The following ZNRF1 variants were observed in gnomAD, a reference collection of about 807,000 sequenced individuals.
ZNRF1 encodes zinc and ring finger 1, also known as E3 ubiquitin-protein ligase ZNRF1.
A neutral mutation model predicts 18.4 loss-of-function variants in ZNRF1; 3 were observed. That is an observed-to-expected ratio of 0.16 (90% CI 0.07 to 0.42). ZNRF1 has a LOEUF of 0.42. Among genes scored for constraint, ZNRF1 ranks in the 10% least tolerant of loss-of-function variants. The pLI is 0.99. For missense variants in ZNRF1, 310 were observed against 329.8 expected, an observed-to-expected ratio of 0.94 and a Z score of 0.47; for synonymous variants, 157 against 144.2, an observed-to-expected ratio of 1.09 and a Z score of -0.64.
intron 1 of ZNRF1, among the ~76,000 whole-genome samples, chr16:75,025,449 C>G (rs950685933): frequency 6.6e-6 from 1 of 152,130 alleles, no homozygotes; most frequent in Non-Finnish European, 1.5e-5. Context: ...ACACTTCTCC[C>G]TGACTATCCC....
chr16:75,108,778 C>T lies in ZNRF1; in HGVS notation c.*1078C>T. The T allele has an allele frequency of 2.7e-6, 1 of 377,252 alleles. No individual in the cohort carries two copies. The highest frequency in any genetic ancestry group is 4.6e-5 in the Admixed American group (1 of 21,966). The allele number at this position is 377,252 out of a possible 1,614,324, so 23.4% of individuals were successfully genotyped here. On this transcript the variant is annotated 3_prime_UTR_variant, in exon 5 of 5. Coordinates refer to ENST00000335325, the MANE Select transcript of ZNRF1 (RefSeq NM_032268.5). Reference sequence around the variant, plus strand: ...GAAATGGGGGCAAGGGCCTGCCCCCCACTCCCTCACCTACCTCCTTAGCAT... The same window carrying T: ...GAAATGGGGGCAAGGGCCTGCCCCCTACTCCCTCACCTACCTCCTTAGCAT...
intron 1 of ZNRF1, among the ~76,000 whole-genome samples, chr16:75,040,396 G>T (rs1188011406): frequency 6.6e-6 from 1 of 151,640 alleles, no homozygotes; most frequent in Non-Finnish European, 1.5e-5. Flanking sequence ...CTGGGATTAC[G>T]GATGTGAACC....
At chr16:75,100,930 A>T (rs1421714644) in intron 2 of ZNRF1, among the ~76,000 whole-genome samples, 3 of 152,152 alleles carry the variant, frequency 2.0e-5, no homozygotes, top group African/African-American at 7.2e-5. Flanking sequence ...TCAAACACAC[A>T]GCAAAGTTTT....
chr16:75,037,099 C>T (rs2145356978), intron 1 of ZNRF1, among the ~76,000 whole-genome samples: 1 of 152,250 alleles, frequency 6.6e-6, no homozygotes, highest in South Asian at 2.1e-4. Context: ...ATTGACAGAG[C>T]TAGAATTTCA....
chr16:75,063,776 GGAGT>G (rs1303882529), intron 1 of ZNRF1, among the ~76,000 whole-genome samples: 2 of 152,186 alleles, frequency 1.3e-5, no homozygotes, highest in African/African-American at 4.8e-5. Context: ...AATCAGAGAA[GGAGT>G]GAGAGGAGGG....
At chr16:75,054,918 C>T (rs936875698) in intron 1 of ZNRF1, among the ~76,000 whole-genome samples, 3 of 152,198 alleles carry the variant, frequency 2.0e-5, no homozygotes, top group African/African-American at 7.2e-5. Context: ...ATCTGACTCT[C>T]TTCTTGGTCT....
chr16:75,052,262 G>T (rs988874884), intron 1 of ZNRF1, among the ~76,000 whole-genome samples: 1 of 152,084 alleles, frequency 6.6e-6, no homozygotes, highest in African/African-American at 2.4e-5. Flanking sequence ...TTACCTGGGT[G>T]TGGTGGCGTG....
intron 1 of ZNRF1, among the ~76,000 whole-genome samples, chr16:75,022,438 C>T (rs2035163848): frequency 6.6e-6 from 1 of 151,238 alleles, no homozygotes. Flanking sequence ...TGGTGGCGGG[C>T]ACCTGAAGTC....
intron 1 of ZNRF1, 42 bp downstream of exon 1, chr16:75,000,137 C>A: frequency 1.3e-6 from 2 of 1,571,746 alleles, no homozygotes; most frequent in Non-Finnish European, 1.7e-6. Context: ...GAGGGCGCGC[C>A]GGGGCGCCCC....
chr16:75,012,213 C>T (rs2035008381), intron 1 of ZNRF1, among the ~76,000 whole-genome samples: 1 of 152,302 alleles, frequency 6.6e-6, no homozygotes, highest in East Asian at 1.9e-4. Context: ...AACAGAGAAG[C>T]CTGTGCTCAG....
At chr16:75,022,240 G>A (rs1004061287) in intron 1 of ZNRF1, among the ~76,000 whole-genome samples, 2 of 151,888 alleles carry the variant, frequency 1.3e-5, no homozygotes, top group Non-Finnish European at 2.9e-5. Context: ...GGGTGACAGA[G>A]CGAGACTCTG....
At chr16:75,004,460 G>A (rs906719590) in intron 1 of ZNRF1, among the ~76,000 whole-genome samples, 1 of 152,028 alleles carries the variant, frequency 6.6e-6, no homozygotes, top group African/African-American at 2.4e-5. Context: ...TGTTTTCTAG[G>A]TTCTACTATA....
chr16:75,037,922 T>G (rs945442113), intron 1 of ZNRF1, among the ~76,000 whole-genome samples: 3 of 152,158 alleles, frequency 2.0e-5, no homozygotes, highest in Non-Finnish European at 4.4e-5. Context: ...GAAAAGTCTA[T>G]GATGAGGAAG....
At chr16:75,069,611 G>T (rs2035846078) in intron 1 of ZNRF1, among the ~76,000 whole-genome samples, 2 of 152,102 alleles carry the variant, frequency 1.3e-5, no homozygotes, top group African/African-American at 2.4e-5. Context: ...ATGGGGTTTT[G>T]CCATATTGTC....
chr16:75,022,172 T>C (rs747651060), intron 1 of ZNRF1, among the ~76,000 whole-genome samples: 26 of 151,232 alleles, frequency 1.7e-4, no homozygotes, highest in Non-Finnish European at 3.0e-4. Flanking sequence ...GGAGAATCAC[T>C]TGGACCCAGG....
intron 1 of ZNRF1, among the ~76,000 whole-genome samples, chr16:75,053,127 T>C (rs1021828187): frequency 6.6e-6 from 1 of 152,152 alleles, no homozygotes; most frequent in Non-Finnish European, 1.5e-5. Flanking sequence ...GCAGAGGAAA[T>C]CTAGGGGGCT....
Position 74,999,466 on chromosome 16 carries a change from C to T in ZNRF1, c.-206C>T, listed in dbSNP as rs2034805438. 4.9e-6 allele frequency: 2 copies of T among 411,812 alleles called. No homozygotes were observed. The highest frequency in any genetic ancestry group is 2.1e-4 in the South Asian group (2 of 9,474). The allele number at this position is 411,812 out of a possible 1,614,324, so 25.5% of individuals were successfully genotyped here. On this transcript the variant is annotated 5_prime_UTR_variant, in exon 1 of 5. Transcript: ENST00000335325. Reference sequence around the variant, plus strand: ...CGTTTGCCTTGGATCGTTTGAAATTCTGAGTTTGGGATCCCCGCCCGCCCG... The same window carrying T: ...CGTTTGCCTTGGATCGTTTGAAATTTTGAGTTTGGGATCCCCGCCCGCCCG...
intron 1 of ZNRF1, among the ~76,000 whole-genome samples, chr16:75,053,482 A>G (rs1192249978): frequency 6.6e-6 from 1 of 151,658 alleles, no homozygotes; most frequent in Non-Finnish European, 1.5e-5. Flanking sequence ...CCAGCTACTC[A>G]AGAGACTGAG....
rs745787665 is a variant in ZNRF1, at chr16:75,106,543, G to C, written c.*4G>C. The C allele has an allele frequency of 6.2e-7, 1 of 1,614,112 alleles. No individual in the cohort carries two copies. The highest frequency in any genetic ancestry group is 1.3e-5 in the African/African-American group (1 of 75,052). ...TCCGGAACACCCTGCGGACTGACCT[G>C]CGGGCTTGCTTGCTGACTCCTCTCA... On this transcript the variant is annotated 3_prime_UTR_variant, in exon 4 of 5. Transcript: ENST00000335325.
Sources: gnomAD v4.1 joint callset for allele counts (sites outside exome capture counted in the v4.1 genomes callset) on GRCh38, gnomAD v4.1.1 for gene constraint, MANE v1.5 for transcripts, NCBI Gene and HGNC (gene_info 2026-07-23, HGNC 2026-07-21) for gene names.